Variants in GTPBP4 observed in about 807,000 individuals in gnomAD.
GTPBP4 encodes GTP-binding protein 4.
In GTPBP4, 15 loss-of-function variants were observed where a neutral mutation model predicts 81.7. The ratio of observed to expected loss-of-function variants is 0.18; its 90% CI spans 0.12 to 0.28. The LOEUF is 0.28. GTPBP4 is among the 10% of genes least tolerant of loss of function. The pLI is 1.00. For missense variants in GTPBP4, 847 were observed against 793.8 expected, an observed-to-expected ratio of 1.07 and a Z score of -0.81; for synonymous variants, 272 against 274.6, an observed-to-expected ratio of 0.99 and a Z score of 0.09.
intron 2 of GTPBP4, among the ~76,000 whole-genome samples, chr10:995,667 C>T (rs1216031199): frequency 3.3e-5 from 5 of 152,026 alleles, no homozygotes; most frequent in Admixed American, 1.3e-4. Context: ...CATGCAGGGT[C>T]GGGGGCTGGT....
intron 2 of GTPBP4, among the ~76,000 whole-genome samples, chr10:993,470 C>A (rs1254137448): frequency 6.6e-6 from 1 of 152,204 alleles, no homozygotes; most frequent in Non-Finnish European, 1.5e-5. Flanking sequence ...TGGTCTTGAA[C>A]TCCTGACCTC....
chr10:1,009,838 T>G (rs1831816797), intron 12 of GTPBP4, among the ~76,000 whole-genome samples: 1 of 152,116 alleles, frequency 6.6e-6, no homozygotes, highest in African/African-American at 2.4e-5. Flanking sequence ...CTACAAAAAA[T>G]ACAAAGATTA....
intron 2 of GTPBP4, among the ~76,000 whole-genome samples, chr10:994,528 C>T (rs190560694): frequency 6.6e-6 from 1 of 152,282 alleles, no homozygotes; most frequent in Non-Finnish European, 1.5e-5. Flanking sequence ...GCCTTGGCCT[C>T]CCAAAGTGCT....
chr10:998,958 A>C, intron 5 of GTPBP4, 45 bp from the exon 6 acceptor site: 1 of 1,025,750 alleles, frequency 9.7e-7, no homozygotes, highest in South Asian at 1.3e-5. Context: ...TCCCACGTGT[A>C]CACAGAGGAA....
At chr10:1,002,286 G>A (rs549582889) in intron 8 of GTPBP4, among the ~76,000 whole-genome samples, 12 of 152,250 alleles carry the variant, frequency 7.9e-5, no homozygotes, top group South Asian at 2.1e-4. Flanking sequence ...CTAATGTTGC[G>A]AGTCTGATGT....
intron 9 of GTPBP4, 147 bp from the exon 10 acceptor site, chr10:1,006,871 T>C: frequency 1.6e-6 from 1 of 615,126 alleles, no homozygotes; most frequent in Admixed American, 2.6e-5. Flanking sequence ...CGCTTCCACC[T>C]GGGCCTCAGA....
rs1391529082 is a variant in GTPBP4 at position 1,019,932 on chromosome 10, A to G, written c.*2705A>G. 2.1e-6 allele frequency: 2 copies of G among 944,648 alleles called. No homozygotes were observed. The highest frequency in any genetic ancestry group is 2.4e-5 in the East Asian group (1 of 40,866). The allele number at this position is 944,648 out of a possible 1,614,324, so 58.5% of individuals were successfully genotyped here. On this transcript the variant is annotated 3_prime_UTR_variant, in exon 17 of 17. Transcript: ENST00000360803. ...TAAACACATTTGTTTTCCTCAGAAA[A>G]TGAACACTTTCTTTGGTAATTGATA...
At position 1,009,152 on chromosome 10, in the gene GTPBP4, C is replaced by T; in HGVS notation, c.1191+117C>T. 4 of 712,638 alleles carry T rather than the reference C, an allele frequency of 5.6e-6. No individual in the cohort carries two copies. The East Asian group carries it at 1.1e-4, about 19-fold the overall frequency. 44.1% of individuals were successfully genotyped at this position (712,638 alleles called of 1,614,324 possible). On this transcript the variant is annotated intron_variant, in intron 11 of 16. Transcript: ENST00000360803. ...GCGGGTGCCCAGACACTGGCCCCGT[C>T]AGGCTGCGGACACAGCAGTGAGTCC... is the stretch of plus-strand genomic sequence containing the variant.
Position 988,632 on chromosome 10 carries a change from G to A in GTPBP4, c.48+105G>A, listed in dbSNP as rs1315522192. 9 of 824,384 alleles carry A rather than the reference G, an allele frequency of 1.1e-5. No individual in the cohort carries two copies. In the Admixed American group the frequency reaches 1.8e-4, roughly 16 times the overall value. 51.1% of individuals were successfully genotyped at this position (824,384 alleles called of 1,614,324 possible). A position where few individuals can be genotyped will look rare whatever the true frequency, so the allele number is the denominator to read the frequency against. On this transcript the variant is annotated intron_variant, in intron 1 of 16. Transcript: ENST00000360803. The stretch of plus-strand genomic sequence containing the variant: ...GTGGGAGAGCGGTCGCCTTCCGCTC[G>A]CCCATCCCCCGCTCCTGGGCCTGAC...
Position 1,014,250 on chromosome 10 carries a change from C to G in GTPBP4, c.1546C>G (p.Gln516Glu), listed in dbSNP as rs370193949. The change falls in exon 15 of 17, where the codon CAG (glutamine) becomes GAG (glutamate). Residue 516 changes from glutamine (Q) to glutamate (E), a missense_variant. Gln to Glu is a conservative substitution (Grantham distance 29). Around this residue, in one of 3 missense-constraint regions of GTPBP4, gnomAD observed 600 missense variants for 557.1 expected, o/e 1.08. Coordinates refer to ENST00000360803, the MANE Select transcript of GTPBP4 (RefSeq NM_012341.3). ...PRMPRTAKKV[Q>E]RTVLEKEMRS... ...TATTTCTTTTTATCCTTCTCAGGTT[C>G]AGAGGACAGTTTTGGAGAAGGAGAT... 1.9e-6 allele frequency: 3 copies of G among 1,591,820 alleles called. No individual in the cohort carries two copies. The African/African-American group carries it at 4.0e-5, about 21-fold the overall frequency.
At position 1,003,606 on chromosome 10, in the gene GTPBP4, G is replaced by A. The variant is rs140484075; in HGVS notation, c.913-2212G>A. On this transcript the variant is annotated intron_variant, in intron 8 of 16. Transcript: ENST00000360803. ...TACTGTGCCATTTGGGAAGAGAACC[G>A]TGACTTTCTGGATAGGAGCAGTGAC... Among the ~76,000 whole-genome samples, 699 of 152,274 alleles carry A rather than the reference G, an allele frequency of 4.6e-3. 2 individuals carry two copies. The highest frequency in any genetic ancestry group is 9.0e-3 in the Admixed American group (137 of 15,286).
chr10:989,614 G>C (rs1267677609), intron 1 of GTPBP4, among the ~76,000 whole-genome samples: 1 of 152,206 alleles, frequency 6.6e-6, no homozygotes, highest in Non-Finnish European at 1.5e-5. Context: ...GGATGAGCTT[G>C]CCTTGGAAAG....
At chr10:1,014,113 A>T (rs370497976) in intron 14 of GTPBP4, 134 bp from the exon 15 acceptor site, 1 of 557,300 alleles carries the variant, frequency 1.8e-6, no homozygotes, top group African/African-American at 1.9e-5. Flanking sequence ...AGCGGGGCCC[A>T]ATAAAAATTA....
At position 1,015,405 on chromosome 10, in the gene GTPBP4, GTCCTGAGCGCTGAGCCTGGGAGTGGAC is replaced by G. The variant is rs1479285625; in HGVS notation, c.1609-347_1609-321del. On this transcript the variant is annotated intron_variant, in intron 15 of 16. Coordinates refer to ENST00000360803, the MANE Select transcript of GTPBP4 (RefSeq NM_012341.3). ...CTCTGAGCCTGGGAGTGGACCTGGG[GTCCTGAGCGCTGAGCCTGGGAGTGGAC>G]CTGGGGTCCTGAGCGCTGAGCCTGG... 4.1e-4 allele frequency among the ~76,000 whole-genome samples: 53 copies of G among 130,536 alleles called. 6 individuals are homozygous for G. The highest frequency in any genetic ancestry group is 9.3e-4 in the African/African-American group (29 of 31,080). The allele number at this position is 130,536 out of a possible 152,430, so 85.6% of individuals were successfully genotyped here.
At chr10:1,006,198 A>G (rs1425863825) in intron 9 of GTPBP4, among the ~76,000 whole-genome samples, 1 of 152,260 alleles carries the variant, frequency 6.6e-6, no homozygotes, top group African/African-American at 2.4e-5. Flanking sequence ...TAGCAAGTAC[A>G]GTGAAAATTA....
At chr10:997,172 T>C (rs754743246) in intron 4 of GTPBP4, 36 bp from the exon 5 acceptor site, 5 of 1,212,054 alleles carry the variant, frequency 4.1e-6, no homozygotes, top group South Asian at 3.7e-5. Context: ...TCTTAAACTT[T>C]GAATTTCTTA....
intron 13 of GTPBP4, among the ~76,000 whole-genome samples, chr10:1,011,180 T>C (rs1446655669): frequency 6.6e-6 from 1 of 150,784 alleles, no homozygotes; most frequent in African/African-American, 2.4e-5. Flanking sequence ...CTGTGCCCCC[T>C]GCACCACCTT....
Position 1,018,432 on chromosome 10 carries a change from A to G in GTPBP4, c.*1205A>G, listed in dbSNP as rs1832027900. The G allele has an allele frequency of 6.6e-6, 1 of 151,698 alleles. No individual in the cohort carries two copies. Among genetic ancestry groups the G allele is most frequent in the Admixed American group, 6.6e-5 (1 of 15,230 alleles). 9.4% of individuals were successfully genotyped at this position (151,698 alleles called of 1,614,324 possible). The stretch of plus-strand genomic sequence containing the variant: ...GAGAGAGACTCCGTGTGAAAAAAAA[A>G]AAAAAAATACCAGGTCTGGTTTTTG... On this transcript the variant is annotated 3_prime_UTR_variant, in exon 17 of 17. Transcript: ENST00000360803.
At chr10:991,876 T>C (rs1831450280) in intron 1 of GTPBP4, among the ~76,000 whole-genome samples, 1 of 147,634 alleles carries the variant, frequency 6.8e-6, no homozygotes, top group Admixed American at 6.7e-5. Flanking sequence ...TTTGTATTTT[T>C]AGTAGAGACG....
Sources: allele counts gnomAD v4.1 joint callset (sites outside exome capture counted in the v4.1 genomes callset), GRCh38; gene constraint gnomAD v4.1.1; regional missense constraint gnomAD v4.1.1; transcripts MANE v1.5; gene names NCBI Gene and HGNC (gene_info 2026-07-23, HGNC 2026-07-21).